The following MXD4 variants were observed in gnomAD, a reference collection of about 807,000 sequenced individuals.
MXD4 encodes the protein Mad4 homolog.
MXD4 carries 16 observed loss-of-function variants against 24.5 expected under a neutral mutation model. The observed-to-expected ratio is 0.65, with a 90% CI of 0.44 to 0.99. The LOEUF (loss-of-function observed/expected upper bound fraction) is 0.99, where lower values mean the gene tolerates loss of function less well. Ranked by LOEUF, MXD4 falls within the 50% of genes least tolerant of loss-of-function variation. The pLI is 0.00. For synonymous variants in MXD4, 164 were observed against 134.2 expected (o/e 1.22, Z -1.54); for missense variants, 301 against 301.5 (o/e 1.00, Z 0.01).
chr4:2,252,903 G>A, intron 3 of MXD4: 1 of 216,524 alleles, frequency 4.6e-6, no homozygotes. Context: ...CCGAGATCTG[G>A]AAGGACCCAG....
In MXD4 at chr4:2,250,114, G is replaced by C. The variant is rs1735286258; in HGVS notation, c.*430C>G. Reference sequence around the variant, plus strand: ...AGGTGGACAGACGGACGGATGGACAGACAGCCTTGCCTTCCTTCCTTCCTC... The same window carrying C: ...AGGTGGACAGACGGACGGATGGACACACAGCCTTGCCTTCCTTCCTTCCTC... On this transcript the variant is annotated 3_prime_UTR_variant, in exon 6 of 6. Transcript: ENST00000337190. 1 of 181,376 alleles carries C rather than the reference G, an allele frequency of 5.5e-6. No homozygotes were observed. The highest frequency in any genetic ancestry group is 5.6e-5 in the Admixed American group (1 of 17,926). The allele number at this position is 181,376 out of a possible 1,614,324, so 11.2% of individuals were successfully genotyped here.
rs1479040541 is a variant in MXD4, at chr4:2,249,864, G to A, written c.*680C>T. 6.5e-6 allele frequency: 1 copy of A among 152,816 alleles called. No individual in the cohort carries two copies. Among genetic ancestry groups the A allele is most frequent in the Non-Finnish European group, 1.5e-5 (1 of 68,280 alleles). 9.5% of individuals were successfully genotyped at this position (152,816 alleles called of 1,614,324 possible). A position where few individuals can be genotyped will look rare whatever the true frequency, so the allele number is the denominator to read the frequency against. On this transcript the variant is annotated 3_prime_UTR_variant, in exon 6 of 6. Coordinates refer to ENST00000337190, the MANE Select transcript of MXD4 (RefSeq NM_006454.3). ...TGTGTGAGCATGTACATGAGTGGGTGTGTCTAGGTGCGTGCGCGTGTGCGT... is the reference window on the plus strand; with the variant it reads ...TGTGTGAGCATGTACATGAGTGGGTATGTCTAGGTGCGTGCGCGTGTGCGT...
intron 2 of MXD4, chr4:2,259,078 C>T (rs1314301550): frequency 3.1e-5 from 13 of 413,490 alleles, no homozygotes; most frequent in Admixed American, 3.0e-4. Flanking sequence ...GGGCAGAGAG[C>T]TCAGACTGCC....
intron 2 of MXD4, among the ~76,000 whole-genome samples, chr4:2,261,406 C>G (rs535655992): frequency 8.1e-4 from 123 of 152,312 alleles, no homozygotes; most frequent in African/African-American, 2.8e-3. Flanking sequence ...ACTTTTCTAC[C>G]GCCTGGAAAA....
intron 3 of MXD4, 44 bp downstream of exon 3, chr4:2,257,938 G>A (rs770304208): frequency 6.2e-7 from 1 of 1,612,636 alleles, no homozygotes. Flanking sequence ...GTAAAAGGGT[G>A]GGCCAGGTGT....
intron 2 of MXD4, 125 bp from the exon 3 acceptor site, chr4:2,258,136 GC>G: frequency 8.4e-7 from 1 of 1,186,610 alleles, no homozygotes; most frequent in African/African-American, 1.5e-5. Context: ...TCCTGGAATG[GC>G]CCAGAGCAGT....
intron 2 of MXD4, chr4:2,260,563 C>G: frequency 4.4e-6 from 2 of 455,672 alleles, no homozygotes; most frequent in Non-Finnish European, 8.8e-6. Context: ...GGCTTGCTCA[C>G]TGAGGAGGCC....
chr4:2,256,048 G>C (rs1735422204), intron 3 of MXD4, among the ~76,000 whole-genome samples: 1 of 152,186 alleles, frequency 6.6e-6, no homozygotes, highest in South Asian at 2.1e-4. Context: ...GGCTCCTGGG[G>C]ACCTCCTGGA....
At chr4:2,252,032 C>T (rs1438668070) in intron 4 of MXD4, among the ~76,000 whole-genome samples, 6 of 152,112 alleles carry the variant, frequency 3.9e-5, no homozygotes, top group African/African-American at 1.4e-4. Flanking sequence ...TCTGATGGCA[C>T]CCAGGAAACC....
At chr4:2,258,142 A>G in intron 2 of MXD4, 131 bp from the exon 3 acceptor site, 2 of 1,107,394 alleles carry the variant, frequency 1.8e-6, no homozygotes, top group Non-Finnish European at 2.6e-6. Flanking sequence ...AATGGCCCAG[A>G]GCAGTGAGGC....
chr4:2,255,125 T>C (rs1484939711), intron 3 of MXD4: 3 of 369,600 alleles, frequency 8.1e-6, no homozygotes, highest in African/African-American at 2.1e-5. Flanking sequence ...GGTGGAGGAG[T>C]GTGCCCTGAC....
At chr4:2,259,034 G>A (rs1735487407) in intron 2 of MXD4, 2 of 449,358 alleles carry the variant, frequency 4.5e-6, no homozygotes, top group Non-Finnish European at 9.0e-6. Context: ...GCCAGCCAGG[G>A]CTCCCGGGCC....
chr4:2,261,579 C>A, intron 2 of MXD4, 146 bp downstream of exon 2: 1 of 204,394 alleles, frequency 4.9e-6, no homozygotes, highest in Admixed American at 6.7e-5. Flanking sequence ...CCGCGGCCTG[C>A]GCGCCTCCTC....
chr4:2,257,815 C>T (rs1003745962), intron 3 of MXD4, among the ~76,000 whole-genome samples, 167 bp downstream of exon 3: 10 of 152,248 alleles, frequency 6.6e-5, no homozygotes, highest in African/African-American at 2.2e-4. Flanking sequence ...GTGCCTGAAA[C>T]AGACCTCAGC....
Position 2,249,467 on chromosome 4 carries a change from G to A in MXD4, c.*1077C>T, listed in dbSNP as rs925651900. 1 of 150,958 alleles carries A rather than the reference G, an allele frequency of 6.6e-6. No homozygotes were observed. Among genetic ancestry groups the A allele is most frequent in the Non-Finnish European group, 1.5e-5 (1 of 67,730 alleles). The allele number at this position is 150,958 out of a possible 1,614,324, so 9.4% of individuals were successfully genotyped here. A position where few individuals can be genotyped will look rare whatever the true frequency, so the allele number is the denominator to read the frequency against. On this transcript the variant is annotated 3_prime_UTR_variant, in exon 6 of 6. Coordinates refer to ENST00000337190, the MANE Select transcript of MXD4 (RefSeq NM_006454.3). ...AAAAATGGTTTTTTTTTTTTTTCTG[G>A]GAAAGCCTCTCTGCCAGCTGAAGCT... is the stretch of plus-strand genomic sequence containing the variant.
At chr4:2,251,953 C>A (rs1405676951) in intron 4 of MXD4, among the ~76,000 whole-genome samples, 1 of 152,168 alleles carries the variant, frequency 6.6e-6, no homozygotes, top group Non-Finnish European at 1.5e-5. Context: ...AGCCCAGACC[C>A]ACTGCCAGCT....
chr4:2,256,989 T>C (rs550232751), intron 3 of MXD4, among the ~76,000 whole-genome samples: 7 of 152,134 alleles, frequency 4.6e-5, no homozygotes, highest in Non-Finnish European at 1.0e-4. Flanking sequence ...TTGGGCCCTG[T>C]ACCTGCCCCC....
chr4:2,257,954 T>G, intron 3 of MXD4, 28 bp downstream of exon 3: 3 of 1,613,574 alleles, frequency 1.9e-6, no homozygotes, highest in Non-Finnish European at 2.5e-6. Flanking sequence ...GGTGTCGGGC[T>G]CATGTGGGGA....
Position 2,262,076 on chromosome 4 carries a change from G to C in MXD4, c.-96C>G. The C allele has an allele frequency of 1.5e-6, 1 of 651,298 alleles. No individual in the cohort carries two copies. Among genetic ancestry groups the C allele is most frequent in the Non-Finnish European group, 1.9e-6 (1 of 524,988 alleles). 40.3% of individuals were successfully genotyped at this position (651,298 alleles called of 1,614,324 possible). A position where few individuals can be genotyped will look rare whatever the true frequency, so the allele number is the denominator to read the frequency against. On this transcript the variant is annotated 5_prime_UTR_variant, in exon 1 of 6. Coordinates refer to ENST00000337190, the MANE Select transcript of MXD4 (RefSeq NM_006454.3). Reference sequence around the variant, plus strand: ...CGCCGCCCACCCCGCGCGCCCGGCCGCCGCACTTCCAGACTCCGCGGACTC... The same window carrying C: ...CGCCGCCCACCCCGCGCGCCCGGCCCCCGCACTTCCAGACTCCGCGGACTC...
Sources: allele counts gnomAD v4.1 joint callset (sites outside exome capture counted in the v4.1 genomes callset), GRCh38; gene constraint gnomAD v4.1.1; transcripts MANE v1.5; gene names NCBI Gene and HGNC (gene_info 2026-07-23, HGNC 2026-07-21).